Variants in RMI1 observed in about 807,000 individuals in gnomAD.
RMI1 encodes recQ-mediated genome instability protein 1.
RMI1 carries 36 observed loss-of-function variants against 46.7 expected under a neutral mutation model. The observed-to-expected ratio is 0.77, with a 90% CI of 0.59 to 1.02. The LOEUF (loss-of-function observed/expected upper bound fraction) is 1.02, where lower values mean the gene tolerates loss of function less well. Among genes scored for constraint, RMI1 ranks in the 50% least tolerant of loss-of-function variants. The probability of loss-of-function intolerance (pLI) is 0.00; values close to 1 mark genes in which losing one functional copy is unlikely to be tolerated. For missense variants in RMI1, 676 were observed against 713.7 expected (o/e 0.95, Z 0.60); for synonymous variants, 250 against 252.9 (o/e 0.99, Z 0.11).
intron 1 of RMI1, among the ~76,000 whole-genome samples, chr9:83,992,746 G>T (rs1005702381): frequency 1.3e-5 from 2 of 152,148 alleles, no homozygotes; most frequent in African/African-American, 2.4e-5. Flanking sequence ...ATTGACTTTT[G>T]TGCTATATAT....
chr9:83,987,457 A>G (rs1957507947), intron 1 of RMI1, among the ~76,000 whole-genome samples: 1 of 152,172 alleles, frequency 6.6e-6, no homozygotes, highest in Non-Finnish European at 1.5e-5. Context: ...GTTAGTTGTT[A>G]CATTTCTATT....
chr9:83,986,535 A>G (rs930726217), intron 1 of RMI1, among the ~76,000 whole-genome samples: 6 of 152,220 alleles, frequency 3.9e-5, no homozygotes, highest in African/African-American at 1.4e-4. Context: ...GTATGCCTTA[A>G]TCTTCATGCC....
chr9:84,001,862 T>C lies in RMI1; in HGVS notation c.876T>C (p.Ser292=), dbSNP rs1244957823. The C allele has an allele frequency of 1.9e-6, 3 of 1,613,930 alleles. No homozygotes were observed. The African/African-American group carries it at 4.0e-5, about 22-fold the overall frequency. ...QSSFEPEFVI[S]PRPKEEPSNL... ...GTTTTGAGCCAGAATTTGTTATTTC[T>C]CCAAGACCAAAAGAGGAACCATCAA... Residue 292 remains serine, a synonymous_variant, in exon 3 of 3, where the codon TCT becomes TCC. Coordinates refer to ENST00000445877, the MANE Select transcript of RMI1 (RefSeq NM_001358291.2).
intron 1 of RMI1, among the ~76,000 whole-genome samples, chr9:83,995,424 CTTT>C (rs5898840): frequency 7.1e-6 from 1 of 139,870 alleles, no homozygotes; most frequent in Non-Finnish European, 1.5e-5. Flanking sequence ...TGTGTAATAT[CTTT>C]TTTTTTTTTT....
chr9:83,983,876 A>G (rs1957453480), intron 1 of RMI1, among the ~76,000 whole-genome samples: 1 of 152,138 alleles, frequency 6.6e-6, no homozygotes. Context: ...CTTTTTCCCA[A>G]CAAAATGTGA....
chr9:83,990,510 TAAA>T (rs55939734), intron 1 of RMI1, among the ~76,000 whole-genome samples: 3 of 141,162 alleles, frequency 2.1e-5, no homozygotes, highest in Non-Finnish European at 4.6e-5. Context: ...AATGCTGTCT[TAAA>T]AAAAAAAAAA....
intron 1 of RMI1, among the ~76,000 whole-genome samples, chr9:83,993,292 C>T (rs1296638114): frequency 6.6e-6 from 1 of 152,144 alleles, no homozygotes; most frequent in East Asian, 1.9e-4. Flanking sequence ...AGCATAATGT[C>T]CTCAAGGTTA....
intron 1 of RMI1, among the ~76,000 whole-genome samples, chr9:83,981,861 C>G (rs993773194): frequency 6.6e-6 from 1 of 152,106 alleles, no homozygotes; most frequent in South Asian, 2.1e-4. Flanking sequence ...TTTTACTTGA[C>G]TGATTAGAGG....
intron 1 of RMI1, among the ~76,000 whole-genome samples, chr9:83,995,796 T>C (rs1957643754): frequency 6.6e-6 from 1 of 152,236 alleles, no homozygotes; most frequent in African/African-American, 2.4e-5. Flanking sequence ...TCTCCTCATT[T>C]GTTGTTAGCT....
rs1292125129 is a variant in RMI1 at position 84,002,177 on chromosome 9, A to G, written c.1191A>G (p.Gln397=). 4 of 1,613,618 alleles carry G rather than the reference A, an allele frequency of 2.5e-6. No homozygotes were observed. Among genetic ancestry groups the G allele is most frequent in the Non-Finnish European group, 3.4e-6 (4 of 1,179,878 alleles). The part of the protein sequence containing the change: ...KSFGCPSVRD[Q]NRSIFSVHCN... Reference sequence around the variant, plus strand: ...TTGGTTGTCCATCTGTTAGAGACCAAAACAGGAGTATTTTTTCAGTTCATT... The same window carrying G: ...TTGGTTGTCCATCTGTTAGAGACCAGAACAGGAGTATTTTTTCAGTTCATT... The change falls in exon 3 of 3, where the codon CAA becomes CAG. Residue 397 remains glutamine, a synonymous_variant. Transcript: ENST00000445877.
chr9:83,987,222 C>G (rs543238798), intron 1 of RMI1, among the ~76,000 whole-genome samples: 1 of 152,078 alleles, frequency 6.6e-6, no homozygotes, highest in Non-Finnish European at 1.5e-5. Flanking sequence ...GCCACCACGC[C>G]CAGCTAATTT....
chr9:83,994,055 A>T (rs1957614530), intron 1 of RMI1, among the ~76,000 whole-genome samples: 1 of 150,800 alleles, frequency 6.6e-6, no homozygotes, highest in Non-Finnish European at 1.5e-5. Flanking sequence ...AAGTGCTGGG[A>T]TTACAAGTGT....
At chr9:83,997,437 A>G (rs1369950996) in intron 1 of RMI1, among the ~76,000 whole-genome samples, 1 of 151,666 alleles carries the variant, frequency 6.6e-6, no homozygotes, top group Non-Finnish European at 1.5e-5. Context: ...TGAAAAAAAA[A>G]AAGAAAGAAA....
At position 83,999,701 on chromosome 9, in the gene RMI1, T is replaced by C. The variant is rs1202423556; in HGVS notation, c.-125-8T>C. On this transcript the variant is annotated splice_region_variant and splice_polypyrimidine_tract_variant and intron_variant, in intron 1 of 2. Transcript: ENST00000445877. ...ATAACTCTTACTGCTTTTTGTCTTA[T>C]CTCCCAGGGCCATTTCTGAGCAGTG... is the stretch of plus-strand genomic sequence containing the variant. 1 of 152,150 alleles carries C rather than the reference T, an allele frequency of 6.6e-6. No homozygotes were observed. Among genetic ancestry groups the C allele is most frequent in the South Asian group, 2.1e-4 (1 of 4,818 alleles). The allele number at this position is 152,150 out of a possible 1,614,324, so 9.4% of individuals were successfully genotyped here.
intron 1 of RMI1, among the ~76,000 whole-genome samples, chr9:83,993,503 C>T (rs769983462): frequency 5.3e-5 from 8 of 152,160 alleles, no homozygotes; most frequent in Non-Finnish European, 1.0e-4. Flanking sequence ...TGGATATACA[C>T]CTAGAAGTGG....
chr9:83,983,034 A>G (rs1957442721), intron 1 of RMI1, among the ~76,000 whole-genome samples: 1 of 152,196 alleles, frequency 6.6e-6, no homozygotes, highest in African/African-American at 2.4e-5. Context: ...TAGACCCAAT[A>G]TTACTTAGAT....
intron 1 of RMI1, among the ~76,000 whole-genome samples, chr9:83,983,724 C>T (rs1957451518): frequency 1.3e-5 from 2 of 151,656 alleles, no homozygotes; most frequent in Non-Finnish European, 1.5e-5. Context: ...TTGTTCAGTT[C>T]CTGGCAGTAC....
At position 84,003,043 on chromosome 9, in the gene RMI1, A is replaced by C; in HGVS notation, c.*179A>C. ...TATGTGGAGCTTTTGAAAATAAGTT[A>C]ATCTTTTTTTTTTTTTTTTTAATGT... On this transcript the variant is annotated 3_prime_UTR_variant, in exon 3 of 3. Transcript: ENST00000445877. 1 of 408,056 alleles carries C rather than the reference A, an allele frequency of 2.5e-6. No individual in the cohort carries two copies. The highest frequency in any genetic ancestry group is 5.0e-5 in the South Asian group (1 of 20,022). 25.3% of individuals were successfully genotyped at this position (408,056 alleles called of 1,614,324 possible).
Position 84,002,945 on chromosome 9 carries a change from TTG to T in RMI1, c.*85_*86del. The T allele has an allele frequency of 1.1e-6, 1 of 874,164 alleles. No individual in the cohort carries two copies. The highest frequency in any genetic ancestry group is 1.7e-6 in the Non-Finnish European group (1 of 595,968). 54.2% of individuals were successfully genotyped at this position (874,164 alleles called of 1,614,324 possible). ...TGTTCACAATTTTACTTATGATACT[TTG>T]TGTAAAAAGGAAAAATGAAATTTCA... is the stretch of plus-strand genomic sequence containing the variant. On this transcript the variant is annotated 3_prime_UTR_variant, in exon 3 of 3. Transcript: ENST00000445877.
Sources: gnomAD v4.1 joint callset for allele counts (sites outside exome capture counted in the v4.1 genomes callset) on GRCh38, gnomAD v4.1.1 for gene constraint, MANE v1.5 for transcripts, NCBI Gene and HGNC (gene_info 2026-07-23, HGNC 2026-07-21) for gene names.